RHOBTB2: variants seen among roughly 807,000 people sequenced by gnomAD.
RHOBTB2 encodes Rho related BTB domain containing 2.
In RHOBTB2, 39 loss-of-function variants were observed where a neutral mutation model predicts 66.5. The observed-to-expected ratio is 0.59, with a 90% confidence interval of 0.45 to 0.77. The LOEUF (loss-of-function observed/expected upper bound fraction) is 0.77. Ranked by LOEUF, RHOBTB2 falls within the 30% of genes least tolerant of loss-of-function variation. The pLI is 0.00. For synonymous variants in RHOBTB2, 390 were observed against 395.0 expected (o/e 0.99, Z 0.15); for missense variants, 755 against 999.1 (o/e 0.76, Z 3.29).
At chr8:22,998,089 C>A (rs539997971), upstream of RHOBTB2, among the ~76,000 whole-genome samples, 14 of 152,288 alleles carry the variant, frequency 9.2e-5, no homozygotes, top group African/African-American at 3.4e-4. Flanking sequence ...GTGGGAGAAG[C>A]ATCCTCCAAC....
chr8:22,972,853 C>T, the RHOBTB2 span, among the ~76,000 whole-genome samples: 1 of 152,220 alleles, frequency 6.6e-6, no homozygotes, highest in Non-Finnish European at 1.5e-5. Context: ...AAGGCCCTTC[C>T]AGATATGGCC....
chr8:22,983,631 G>GT (rs1482422548), upstream of RHOBTB2, among the ~76,000 whole-genome samples: 19 of 152,138 alleles, frequency 1.2e-4, no homozygotes, highest in African/African-American at 4.1e-4. Context: ...TACCTTGAGG[G>GT]AAAAAGGTTT....
chr8:22,982,837 G>A (rs1218807451), upstream of RHOBTB2, among the ~76,000 whole-genome samples: 1 of 152,184 alleles, frequency 6.6e-6, no homozygotes, highest in South Asian at 2.1e-4. Flanking sequence ...TGAGATCAAG[G>A]TGCCAGCTGA....
upstream of RHOBTB2, among the ~76,000 whole-genome samples, chr8:22,997,858 C>T (rs1298470287): frequency 2.6e-5 from 4 of 152,108 alleles, no homozygotes; most frequent in South Asian, 2.1e-4. Flanking sequence ...TTTTCTCTGG[C>T]GCAGGGGCTC....
the RHOBTB2 span, among the ~76,000 whole-genome samples, chr8:22,971,860 T>C: frequency 6.6e-6 from 1 of 152,354 alleles, no homozygotes; most frequent in East Asian, 1.9e-4. Context: ...CTGGGAATGA[T>C]CTACACATCC....
chr8:23,014,890 G>C, intron 8 of RHOBTB2, 112 bp downstream of exon 8: 1 of 843,624 alleles, frequency 1.2e-6, no homozygotes, highest in Non-Finnish European at 2.0e-6. Context: ...ACCTGTCATC[G>C]GACTGGGCTC....
At position 23,007,475 on chromosome 8, in the gene RHOBTB2, G is replaced by T. The variant is rs1383088996; in HGVS notation, c.1230G>T (p.Arg410=). 5 of 1,614,206 alleles carry T rather than the reference G, an allele frequency of 3.1e-6. No homozygotes were observed. The highest frequency in any genetic ancestry group is 4.2e-6 in the Non-Finnish European group (5 of 1,180,034). ...MAEDPLTYKS[R]LMVVVKMDSS... ...AAGATCCTCTCACCTACAAATCCCG[G>T]CTGATGGTGGTGGTGAAGATGGACA... Residue 410 remains arginine (R), a synonymous_variant, in exon 5 of 10, where the codon CGG becomes CGT. Transcript: ENST00000251822.
chr8:23,001,784 T>C (rs531258994), intron 1 of RHOBTB2, among the ~76,000 whole-genome samples: 45 of 150,608 alleles, frequency 3.0e-4, no homozygotes, highest in Middle Eastern at 6.8e-3. Flanking sequence ...TGGGACAGGG[T>C]AGAAAGGGTG....
At chr8:22,999,329 G>A (rs1197977186), upstream of RHOBTB2, among the ~76,000 whole-genome samples, 1 of 152,160 alleles carries the variant, frequency 6.6e-6, no homozygotes, top group Admixed American at 6.5e-5. Context: ...GGCGTCCGGA[G>A]AGCCTTTGCG....
the RHOBTB2 span, among the ~76,000 whole-genome samples, chr8:22,962,733 G>A: frequency 3.9e-5 from 6 of 152,362 alleles, no homozygotes; most frequent in Admixed American, 2.0e-4. Context: ...GTCTCTGAGA[G>A]TGCTCAGCAA....
chr8:23,019,930 A>G lies in RHOBTB2; in HGVS notation c.*2461A>G, dbSNP rs142624139. 13 of 249,728 alleles carry G rather than the reference A, an allele frequency of 5.2e-5. 1 individual carries two copies. The highest frequency in any genetic ancestry group is 2.5e-4 in the African/African-American group (11 of 44,034). 15.5% of individuals were successfully genotyped at this position (249,728 alleles called of 1,614,324 possible). ...GGCAGGAGAGAGAGGGGAAGGAGGTATGAATCCCAGTCCCCAGGAACCTAG... is the reference window on the plus strand; with the variant it reads ...GGCAGGAGAGAGAGGGGAAGGAGGTGTGAATCCCAGTCCCCAGGAACCTAG... On this transcript the variant is annotated 3_prime_UTR_variant, in exon 10 of 10. Transcript: ENST00000251822.
intron 7 of RHOBTB2, among the ~76,000 whole-genome samples, chr8:23,012,456 G>T (rs1043118372): frequency 5.3e-5 from 8 of 152,202 alleles, no homozygotes; most frequent in Non-Finnish European, 1.2e-4. Context: ...CCTTGTTAAG[G>T]ATCAGGGGAA....
the RHOBTB2 span, among the ~76,000 whole-genome samples, chr8:22,973,989 C>T: frequency 1.3e-5 from 2 of 152,148 alleles, no homozygotes; most frequent in Non-Finnish European, 2.9e-5. Flanking sequence ...CACCTGACCA[C>T]TTCCGGGGCT....
chr8:22,988,774 G>A (rs1810350614), intron 1 of RHOBTB2, among the ~76,000 whole-genome samples: 1 of 152,126 alleles, frequency 6.6e-6, no homozygotes, highest in Non-Finnish European at 1.5e-5. Context: ...AGCTGAATGG[G>A]TCACCCTGGC....
the RHOBTB2 span, among the ~76,000 whole-genome samples, chr8:22,977,647 T>C: frequency 4.0e-5 from 6 of 151,234 alleles, no homozygotes; most frequent in African/African-American, 1.5e-4. Flanking sequence ...CCTTAAGTGG[T>C]AGGAGAACTG....
In RHOBTB2 at chr8:23,007,762, G is replaced by A. The variant is rs1487193663; in HGVS notation, c.1501+16G>A. ...ACCTTCTCAGGTATGGAACAGGCTTGGAAAGCAAGGGGGTTCTGCATTGGT... is the reference window on the plus strand; with the variant it reads ...ACCTTCTCAGGTATGGAACAGGCTTAGAAAGCAAGGGGGTTCTGCATTGGT... On this transcript the variant is annotated intron_variant, in intron 5 of 9. Coordinates refer to ENST00000251822, the MANE Select transcript of RHOBTB2 (RefSeq NM_015178.3). 1.2e-6 allele frequency: 2 copies of A among 1,608,132 alleles called. No homozygotes were observed. Among genetic ancestry groups the A allele is most frequent in the African/African-American group, 1.3e-5 (1 of 74,742 alleles).
upstream of RHOBTB2, chr8:22,994,611 G>A: frequency 1.3e-6 from 2 of 1,551,618 alleles, no homozygotes; most frequent in Non-Finnish European, 1.7e-6. Flanking sequence ...AGGCCCCGAT[G>A]GCCCCCAGAA....
chr8:22,996,759 G>A (rs985346957), upstream of RHOBTB2, among the ~76,000 whole-genome samples: 12 of 152,160 alleles, frequency 7.9e-5, no homozygotes, highest in African/African-American at 2.4e-4. Context: ...GCTGCCTGCC[G>A]GGTGCTAACA....
the RHOBTB2 span, among the ~76,000 whole-genome samples, chr8:22,968,996 A>T: frequency 6.6e-6 from 1 of 152,200 alleles, no homozygotes; most frequent in Non-Finnish European, 1.5e-5. Context: ...GCAACAAATT[A>T]GGTGTATTCA....
Sources: allele counts gnomAD v4.1 joint callset (sites outside exome capture counted in the v4.1 genomes callset), GRCh38; gene constraint gnomAD v4.1.1; transcripts MANE v1.5; gene names NCBI Gene and HGNC (gene_info 2026-07-23, HGNC 2026-07-21).